Variants in TMIGD2 observed in about 807,000 individuals in gnomAD.
TMIGD2 encodes transmembrane and immunoglobulin domain containing 2.
TMIGD2 carries 18 observed loss-of-function variants against 22.6 expected under a neutral mutation model. The observed-to-expected ratio is 0.80, with a 90% confidence interval of 0.55 to 1.18. The LOEUF (loss-of-function observed/expected upper bound fraction) is 1.18. TMIGD2 is among the 50% of genes most tolerant of loss of function. TMIGD2 has a pLI of 0.00. For synonymous variants in TMIGD2, 184 were observed against 154.1 expected (o/e 1.19, Z -1.44); for missense variants, 361 against 378.2 (o/e 0.95, Z 0.38).
intron 2 of TMIGD2, among the ~76,000 whole-genome samples, chr19:4,297,402 C>A (rs933428117): frequency 3.9e-5 from 6 of 152,180 alleles, no homozygotes; most frequent in Non-Finnish European, 7.4e-5. Context: ...CAGGGTCTCG[C>A]TCTGTCGCCC....
intron 1 of TMIGD2, among the ~76,000 whole-genome samples, 158 bp from the exon 2 acceptor site, chr19:4,298,503 G>A (rs958928268): frequency 1.1e-4 from 17 of 152,196 alleles, no homozygotes; most frequent in African/African-American, 3.6e-4. Flanking sequence ...TTGGAAGCCC[G>A]AGGTGGGAGG....
At chr19:4,293,175 A>G (rs1209901317) in intron 4 of TMIGD2, among the ~76,000 whole-genome samples, 1 of 149,684 alleles carries the variant, frequency 6.7e-6, no homozygotes. Flanking sequence ...GTTAGCCAGG[A>G]TGGTCTTGAT....
chr19:4,296,577 A>T (rs1003823564), intron 2 of TMIGD2, among the ~76,000 whole-genome samples: 2 of 152,040 alleles, frequency 1.3e-5, no homozygotes, highest in Admixed American at 6.6e-5. Context: ...CTGCTCTCTC[A>T]CAGCTGCCAA....
exon 4 of TMIGD2, chr19:4,294,583 G>T: frequency 6.2e-7 from 1 of 1,612,176 alleles, no homozygotes; most frequent in Non-Finnish European, 8.5e-7. Context: ...TGTTACCTGA[G>T]TCCCTTTGCT....
rs372185752 is a variant in TMIGD2 at position 4,292,736 on chromosome 19, A to G, written c.712T>C (p.Ser238Pro). 1.2e-5 allele frequency: 19 copies of G among 1,609,690 alleles called. No homozygotes were observed. In the African/African-American group the frequency reaches 2.4e-4, roughly 20 times the overall value. Reference sequence around the variant, plus strand: ...GGTCTCGGGCTGGGGCAGGGTCTTGACGCCAGGTGCGGCTGGCGGGGGGCC... The same window carrying G: ...GGTCTCGGGCTGGGGCAGGGTCTTGGCGCCAGGTGCGGCTGGCGGGGGGCC... The change falls in exon 5 of 5, where the codon TCA becomes CCA. Residue 238 changes from serine (S) to proline (P), a missense_variant. Transcript: ENST00000301272.
Position 4,294,630 on chromosome 19 carries a change from C to T in TMIGD2, c.499G>A (p.Val167Met), listed in dbSNP as rs80276868. 205 of 1,607,462 alleles carry T rather than the reference C, an allele frequency of 1.3e-4. No individual in the cohort carries two copies. In the African/African-American group the frequency reaches 2.1e-3, roughly 17 times the overall value. ...CGGCCCCAGAACCAGGCACCCCACA[C>T]GATCGCAGCCACACCCATGCTTCCC... The change falls in exon 4 of 5, where the codon GTG (valine) becomes ATG (methionine). Residue 167 changes from valine (V) to methionine (M), a missense_variant. Val to Met is a conservative substitution (Grantham distance 21). Coordinates refer to ENST00000301272, the Ensembl canonical transcript of TMIGD2.
chr19:4,302,033 C>T (rs1971542832), intron 1 of TMIGD2, among the ~76,000 whole-genome samples: 2 of 152,050 alleles, frequency 1.3e-5, no homozygotes, highest in South Asian at 2.1e-4. Flanking sequence ...CTTCCCATTG[C>T]GGAAACAGAG....
chr19:4,296,932 G>C (rs1363458915), intron 2 of TMIGD2, among the ~76,000 whole-genome samples: 1 of 152,198 alleles, frequency 6.6e-6, no homozygotes, highest in Non-Finnish European at 1.5e-5. Context: ...ACAGTGCATA[G>C]GGTGCACCCC....
In TMIGD2 at chr19:4,292,765, T is replaced by A. The variant is rs1319820007; in HGVS notation, c.683A>T (p.Gln228Leu). Residue 228 changes from glutamine (Q) to leucine (L), a missense_variant, in exon 5 of 5, where the codon CAA (glutamine) becomes CTA (leucine). Gln to Leu is a moderately radical substitution (Grantham distance 113). Coordinates refer to ENST00000301272, the Ensembl canonical transcript of TMIGD2. Reference sequence around the variant, plus strand: ...CAGGTGCGGCTGGCGGGGGGCCGGTTGCGGGAAGGAGGTTGAATAAATGCT... The same window carrying A: ...CAGGTGCGGCTGGCGGGGGGCCGGTAGCGGGAAGGAGGTTGAATAAATGCT... The A allele has an allele frequency of 2.5e-6, 4 of 1,611,244 alleles. No individual in the cohort carries two copies. The Admixed American group carries it at 6.8e-5, about 27-fold the overall frequency.
intron 4 of TMIGD2, among the ~76,000 whole-genome samples, chr19:4,293,768 TTTG>T (rs1568372118): frequency 1.3e-5 from 2 of 151,354 alleles, no homozygotes; most frequent in African/African-American, 2.4e-5. Context: ...GGCTAATTTT[TTTG>T]TTGTTGTTGA....
exon 2 of TMIGD2, chr19:4,298,233 T>C: frequency 6.2e-7 from 1 of 1,612,996 alleles, no homozygotes; most frequent in Non-Finnish European, 8.5e-7. Context: ...CACGGAGCCG[T>C]TCCCAGGCTG....
At chr19:4,298,279 C>G in exon 2 of TMIGD2, 2 of 1,609,340 alleles carry the variant, frequency 1.2e-6, no homozygotes, top group Middle Eastern at 1.7e-4. Context: ...GGTCGCCTGA[C>G]TGCCCTGCCT....
intron 1 of TMIGD2, among the ~76,000 whole-genome samples, chr19:4,300,995 T>TG (rs917336220): frequency 1.2e-4 from 18 of 152,294 alleles, no homozygotes; most frequent in African/African-American, 3.1e-4. Flanking sequence ...TGTTTTGAGA[T>TG]GGGGTCTCAC....
At chr19:4,296,421 C>A (rs924330463) in intron 2 of TMIGD2, among the ~76,000 whole-genome samples, 13 of 152,192 alleles carry the variant, frequency 8.5e-5, no homozygotes, top group African/African-American at 3.1e-4. Flanking sequence ...GTGAATGCCG[C>A]AATTAAGATA....
rs555266135 is a variant in TMIGD2, at chr19:4,294,225, A to G, written c.562+342T>C. Reference sequence around the variant, plus strand: ...TGGTATTACAGGCGTCTGCCACCACACCTAGCTAATTTTTTGTATTTTTAG... The same window carrying G: ...TGGTATTACAGGCGTCTGCCACCACGCCTAGCTAATTTTTTGTATTTTTAG... On this transcript the variant is annotated intron_variant, in intron 4 of 4. Coordinates refer to ENST00000301272, the Ensembl canonical transcript of TMIGD2. 4.3e-3 allele frequency among the ~76,000 whole-genome samples: 648 copies of G among 150,892 alleles called. 5 individuals carry two copies. The highest frequency in any genetic ancestry group is 0.015 in the African/African-American group (609 of 40,754).
chr19:4,296,362 G>A (rs2144734707), intron 2 of TMIGD2, among the ~76,000 whole-genome samples: 1 of 152,332 alleles, frequency 6.6e-6, no homozygotes, highest in African/African-American at 2.4e-5. Context: ...AAATGAAACA[G>A]AGGATTGAAT....
rs904811153 is a variant in TMIGD2 at position 4,298,476 on chromosome 19, C to T, written c.47-131G>A. 6 of 1,350,254 alleles carry T rather than the reference C, an allele frequency of 4.4e-6. No homozygotes were observed. In the East Asian group the frequency reaches 1.3e-4, roughly 29 times the overall value. 83.6% of individuals were successfully genotyped at this position (1,350,254 alleles called of 1,614,324 possible). A position where few individuals can be genotyped will look rare whatever the true frequency, so the allele number is the denominator to read the frequency against. ...TCTAAGACGGGTGCAGTGGCTCACGCCTGTAGTCCCAGCACTTTGGAAGCC... is the reference window on the plus strand; with the variant it reads ...TCTAAGACGGGTGCAGTGGCTCACGTCTGTAGTCCCAGCACTTTGGAAGCC... On this transcript the variant is annotated intron_variant, in intron 1 of 4. Coordinates refer to ENST00000301272, the Ensembl canonical transcript of TMIGD2.
chr19:4,292,285 A>G (rs1326404632), exon 5 of TMIGD2: 2 of 347,662 alleles, frequency 5.8e-6, no homozygotes, highest in Non-Finnish European at 1.1e-5. Context: ...AGCGAGATCC[A>G]TCATTACAGA....
At chr19:4,293,618 A>G (rs958844209) in intron 4 of TMIGD2, among the ~76,000 whole-genome samples, 1 of 148,494 alleles carries the variant, frequency 6.7e-6, no homozygotes, top group African/African-American at 2.5e-5. Flanking sequence ...GTTTTTTGAG[A>G]CAGGGTCTCT....
Sources: gnomAD v4.1 joint callset for allele counts (sites outside exome capture counted in the v4.1 genomes callset) on GRCh38, gnomAD v4.1.1 for gene constraint, MANE v1.5 for transcripts, NCBI Gene and HGNC (gene_info 2026-07-23, HGNC 2026-07-21) for gene names.